DOCK2: variants seen among roughly 807,000 people sequenced by gnomAD.
DOCK2 encodes dedicator of cytokinesis 2.
In DOCK2, 87 loss-of-function variants were observed where a neutral mutation model predicts 248.9. That is an observed-to-expected ratio of 0.35 (90% confidence interval 0.29 to 0.42). The LOEUF (loss-of-function observed/expected upper bound fraction) is 0.42. Among genes scored for constraint, DOCK2 ranks in the 10% least tolerant of loss-of-function variants. DOCK2 has a pLI of 1.00. For missense variants in DOCK2, 1,747 were observed against 2,300.2 expected, an observed-to-expected ratio of 0.76 and a Z score of 4.92; for synonymous variants, 805 against 821.6, an observed-to-expected ratio of 0.98 and a Z score of 0.35.
intron 32 of DOCK2, among the ~76,000 whole-genome samples, chr5:170,015,784 C>T (rs1161791781): frequency 6.6e-6 from 1 of 150,870 alleles, no homozygotes; most frequent in Admixed American, 6.6e-5. Flanking sequence ...ACAAAAGCCT[C>T]CCTCCCTCCC....
At chr5:169,757,524 A>G (rs931919752) in intron 23 of DOCK2, among the ~76,000 whole-genome samples, 11 of 152,176 alleles carry the variant, frequency 7.2e-5, no homozygotes, top group Non-Finnish European at 1.2e-4. Context: ...ATGTTGTTTT[A>G]TCTTATAATC....
At chr5:169,918,946 G>T (rs960033030) in intron 27 of DOCK2, among the ~76,000 whole-genome samples, 5 of 152,016 alleles carry the variant, frequency 3.3e-5, no homozygotes. Context: ...TATTTTAGGG[G>T]CCAGATATAT....
At chr5:169,952,090 C>A (rs1218210386) in intron 27 of DOCK2, among the ~76,000 whole-genome samples, 1 of 152,182 alleles carries the variant, frequency 6.6e-6, no homozygotes, top group African/African-American at 2.4e-5. Context: ...TTTCTCCTAC[C>A]ATTTCAGAGA....
chr5:170,005,432 A>G (rs1754991674), intron 30 of DOCK2, among the ~76,000 whole-genome samples: 1 of 152,142 alleles, frequency 6.6e-6, no homozygotes, highest in Admixed American at 6.6e-5. Flanking sequence ...TTACAGTTGG[A>G]GAAGACAGGG....
chr5:169,881,345 A>C lies in DOCK2; in HGVS notation c.2799+40493A>C, dbSNP rs535854286. ...CCTATGGCTTTATGGTCTACAGAGC[A>C]GGCCTCGCTTGTGGCCAGGTACCTG... On this transcript the variant is annotated intron_variant, in intron 27 of 51. Coordinates refer to ENST00000520908, the MANE Select transcript of DOCK2 (RefSeq NM_004946.3). 4.5e-6 allele frequency: 7 copies of C among 1,545,372 alleles called. No homozygotes were observed. The African/African-American group carries it at 8.2e-5, about 18-fold the overall frequency.
At chr5:169,784,399 G>A (rs1435730407) in intron 25 of DOCK2, among the ~76,000 whole-genome samples, 1 of 152,178 alleles carries the variant, frequency 6.6e-6, no homozygotes, top group African/African-American at 2.4e-5. Flanking sequence ...GGTTCTGAGG[G>A]GACATGACCT....
At chr5:169,662,119 A>G (rs181615748) in intron 2 of DOCK2, among the ~76,000 whole-genome samples, 91 of 152,228 alleles carry the variant, frequency 6.0e-4, no homozygotes, top group Middle Eastern at 3.4e-3. Flanking sequence ...CCTCGCCAAC[A>G]TTTGTTATCT....
At chr5:169,673,277 A>G (rs1006713233) in intron 5 of DOCK2, among the ~76,000 whole-genome samples, 3 of 152,212 alleles carry the variant, frequency 2.0e-5, no homozygotes, top group Admixed American at 6.5e-5. Flanking sequence ...AAACTCAGGT[A>G]TCATTGAAAG....
At chr5:169,821,902 T>G (rs1004530598) in intron 26 of DOCK2, among the ~76,000 whole-genome samples, 3 of 151,780 alleles carry the variant, frequency 2.0e-5, no homozygotes, top group African/African-American at 7.3e-5. Context: ...CGCATAGGCT[T>G]AAAATAAAGG....
intron 27 of DOCK2, among the ~76,000 whole-genome samples, chr5:169,960,276 A>G (rs1380477878): frequency 1.3e-5 from 2 of 152,186 alleles, no homozygotes; most frequent in East Asian, 1.9e-4. Context: ...GTACATGGGT[A>G]TCTTTGTTTT....
At chr5:169,967,209 G>A (rs1321608282) in intron 27 of DOCK2, among the ~76,000 whole-genome samples, 2 of 152,228 alleles carry the variant, frequency 1.3e-5, no homozygotes, top group Non-Finnish European at 2.9e-5. Flanking sequence ...ACAGGGACAT[G>A]AGAACTCAGA....
chr5:169,881,485 T>A (rs1239155428), intron 27 of DOCK2: 1 of 1,472,584 alleles, frequency 6.8e-7, no homozygotes, highest in South Asian at 1.2e-5. Flanking sequence ...TGGGCAAAAG[T>A]CACGTGGGCC....
chr5:169,744,143 C>T (rs1305908096), intron 22 of DOCK2, among the ~76,000 whole-genome samples: 1 of 152,030 alleles, frequency 6.6e-6, no homozygotes, highest in Non-Finnish European at 1.5e-5. Context: ...GTGTTATCTG[C>T]CTTCCCCTGT....
intron 27 of DOCK2, among the ~76,000 whole-genome samples, chr5:169,913,805 G>A (rs1035404191): frequency 8.5e-5 from 13 of 152,108 alleles, no homozygotes; most frequent in South Asian, 2.1e-4. Flanking sequence ...TAGATGCTTC[G>A]CTATTAGAAT....
intron 27 of DOCK2, among the ~76,000 whole-genome samples, chr5:169,874,410 C>CAAAAAAA (rs34525811): frequency 2.8e-5 from 2 of 72,030 alleles, no homozygotes; most frequent in South Asian, 6.6e-4. Context: ...GACTCTGTCT[C>CAAAAAAA]AAAAAAAAAA....
intron 27 of DOCK2, among the ~76,000 whole-genome samples, chr5:169,881,816 G>A (rs1772671951): frequency 6.6e-6 from 1 of 152,134 alleles, no homozygotes; most frequent in Non-Finnish European, 1.5e-5. Context: ...GATTCATACA[G>A]CAAACAGCAG....
At chr5:169,652,317 G>A (rs777906155) in intron 1 of DOCK2, among the ~76,000 whole-genome samples, 42 of 152,226 alleles carry the variant, frequency 2.8e-4, no homozygotes, top group Non-Finnish European at 5.1e-4. Flanking sequence ...CACAGCCTGG[G>A]CAGTTGTACA....
chr5:169,920,902 G>C (rs1256223358), intron 27 of DOCK2, among the ~76,000 whole-genome samples: 2 of 152,120 alleles, frequency 1.3e-5, no homozygotes, highest in African/African-American at 4.8e-5. Context: ...TGTTTTCCTA[G>C]AGATCAGCAG....
intron 29 of DOCK2, among the ~76,000 whole-genome samples, chr5:169,989,031 A>G (rs1430401489): frequency 6.6e-6 from 1 of 152,166 alleles, no homozygotes; most frequent in Non-Finnish European, 1.5e-5. Flanking sequence ...CATGATCTGT[A>G]TGTTATGATA....
Sources: allele counts gnomAD v4.1 joint callset (sites outside exome capture counted in the v4.1 genomes callset), GRCh38; gene constraint gnomAD v4.1.1; transcripts MANE v1.5; gene names NCBI Gene and HGNC (gene_info 2026-07-23, HGNC 2026-07-21).